ALK: variants seen among roughly 807,000 people sequenced by gnomAD.
ALK encodes the protein ALK tyrosine kinase receptor.
In ALK, 74 loss-of-function variants were observed where a neutral mutation model predicts 163.1. The observed-to-expected ratio is 0.45, with a 90% CI of 0.38 to 0.55. ALK has a LOEUF of 0.55. Ranked by LOEUF, ALK falls within the 20% of genes least tolerant of loss-of-function variation. The pLI is 0.00. For synonymous variants in ALK, 960 were observed against 843.2 expected, an observed-to-expected ratio of 1.14 and a Z score of -2.40; for missense variants, 2,063 against 2,105.3, an observed-to-expected ratio of 0.98 and a Z score of 0.39.
chr2:29,499,522 G>C (rs1297701137), intron 4 of ALK, among the ~76,000 whole-genome samples: 1 of 152,072 alleles, frequency 6.6e-6, no homozygotes, highest in Non-Finnish European at 1.5e-5. Flanking sequence ...TTCAGGTTGA[G>C]GGCTGACTAG....
At chr2:29,586,811 C>A (rs1233785281) in intron 3 of ALK, among the ~76,000 whole-genome samples, 1 of 152,186 alleles carries the variant, frequency 6.6e-6, no homozygotes, top group African/African-American at 2.4e-5. Context: ...ATAGATATAT[C>A]CCTTTTCTTT....
In ALK at chr2:29,220,768, G is replaced by C. The variant is rs2148166521; in HGVS notation, c.3583C>G (p.Leu1195Val). ...TCTCCCCCCGCCATGAGCTCCAGCA[G>C]GATGAACCGGGGCAGGGATTGCAGG... ...VSLQSLPRFI[L>V]LELMAGGDLK... Residue 1195 changes from leucine to valine, a missense_variant, in exon 23 of 29, where the codon CTG becomes GTG. Physicochemically the swap from Leu to Val is conservative, Grantham distance 32. This residue lies in a region of ALK where 575 missense variants were observed against 626.6 expected (regional missense o/e 0.92). Transcript: ENST00000389048. 1 of 1,614,062 alleles carries C rather than the reference G, an allele frequency of 6.2e-7. No individual in the cohort carries two copies. The highest frequency in any genetic ancestry group is 8.5e-7 in the Non-Finnish European group (1 of 1,179,930).
intron 4 of ALK, among the ~76,000 whole-genome samples, chr2:29,531,151 CT>C (rs1673108481): frequency 1.3e-5 from 2 of 152,180 alleles, no homozygotes; most frequent in African/African-American, 4.8e-5. Flanking sequence ...GACAGTTGGG[CT>C]TTTTCTCCTG....
intron 1 of ALK, among the ~76,000 whole-genome samples, chr2:29,913,102 C>T (rs938904095): frequency 2.0e-5 from 3 of 151,942 alleles, no homozygotes; most frequent in Non-Finnish European, 4.4e-5. Flanking sequence ...CCACTGCATG[C>T]ACCTGTTGTT....
intron 1 of ALK, among the ~76,000 whole-genome samples, chr2:29,798,693 G>A (rs1290348514): frequency 6.6e-6 from 1 of 152,236 alleles, no homozygotes; most frequent in Non-Finnish European, 1.5e-5. Flanking sequence ...CCAAAGGTAG[G>A]ATGATAATAA....
chr2:29,662,076 A>C (rs12615206), intron 3 of ALK, among the ~76,000 whole-genome samples: 4 of 151,748 alleles, frequency 2.6e-5, no homozygotes, highest in Non-Finnish European at 5.9e-5. Context: ...TGCCTGGCTA[A>C]TTTGTTTGTA....
chr2:29,876,912 T>C (rs1462075085), intron 1 of ALK, among the ~76,000 whole-genome samples: 15 of 152,218 alleles, frequency 9.9e-5, no homozygotes, highest in Admixed American at 9.8e-4. Flanking sequence ...TCTCAGGCCC[T>C]GTCCCACCAG....
At chr2:29,654,797 T>C (rs1019020762) in intron 3 of ALK, among the ~76,000 whole-genome samples, 2 of 152,092 alleles carry the variant, frequency 1.3e-5, no homozygotes, top group African/African-American at 4.8e-5. Context: ...ATAATGAAAA[T>C]TGATTACAGC....
At chr2:29,345,452 AAAT>A (rs1667921201) in intron 5 of ALK, among the ~76,000 whole-genome samples, 1 of 147,714 alleles carries the variant, frequency 6.8e-6, no homozygotes, top group Non-Finnish European at 1.5e-5. Context: ...ATAAATAAAT[AAAT>A]AAAAATAATA....
intron 1 of ALK, among the ~76,000 whole-genome samples, chr2:29,750,645 AAGG>A (rs1680332423): frequency 1.3e-5 from 1 of 75,186 alleles, no homozygotes; most frequent in Admixed American, 1.1e-4. Flanking sequence ...GGAAGGAAGG[AAGG>A]AAGGAAGGAA....
intron 6 of ALK, among the ~76,000 whole-genome samples, chr2:29,326,450 C>T (rs375991402): frequency 6.6e-5 from 10 of 152,152 alleles, no homozygotes; most frequent in South Asian, 2.1e-4. Flanking sequence ...AAAAGGCAAT[C>T]GCGAAATCAC....
intron 9 of ALK, among the ~76,000 whole-genome samples, chr2:29,296,023 G>C (rs1666166413): frequency 6.6e-6 from 1 of 152,184 alleles, no homozygotes; most frequent in Non-Finnish European, 1.5e-5. Flanking sequence ...TTCAAGTACG[G>C]CTTGCTCCAG....
intron 4 of ALK, among the ~76,000 whole-genome samples, chr2:29,389,898 A>G (rs55641489): frequency 6.6e-6 from 1 of 152,090 alleles, no homozygotes; most frequent in African/African-American, 2.4e-5. Flanking sequence ...TGTAATTGAG[A>G]CCTGGAGGAT....
Position 29,391,826 on chromosome 2 carries a change from C to T in ALK, c.1155-7967G>A, listed in dbSNP as rs374193370. ...TCTCATCACTTGAGTTCCACACCTA[C>T]TGAGAGTTTTATAGTCTCACTTCTG... On this transcript the variant is annotated intron_variant, in intron 4 of 28. Transcript: ENST00000389048. 1.3e-4 allele frequency among the ~76,000 whole-genome samples: 20 copies of T among 152,126 alleles called. 1 individual carries two copies. Among genetic ancestry groups the T allele is most frequent in the African/African-American group, 3.4e-4 (14 of 41,428 alleles).
intron 1 of ALK, among the ~76,000 whole-genome samples, chr2:29,913,819 GT>G: frequency 6.6e-6 from 1 of 152,260 alleles, no homozygotes; most frequent in Non-Finnish European, 1.5e-5. Flanking sequence ...CCATTAACCA[GT>G]TGGTAATTTA....
chr2:29,524,538 A>G (rs1672902203), intron 4 of ALK, among the ~76,000 whole-genome samples: 1 of 152,270 alleles, frequency 6.6e-6, no homozygotes, highest in East Asian at 1.9e-4. Flanking sequence ...AAGGAGGTGA[A>G]TAATATGAAT....
At chr2:29,728,241 G>A (rs560950326) in intron 1 of ALK, among the ~76,000 whole-genome samples, 1 of 152,322 alleles carries the variant, frequency 6.6e-6, no homozygotes, top group South Asian at 2.1e-4. Context: ...TTTCTGAGTG[G>A]GGATTATTAT....
intron 25 of ALK, among the ~76,000 whole-genome samples, chr2:29,208,476 G>A (rs904185466): frequency 6.6e-6 from 1 of 151,130 alleles, no homozygotes; most frequent in African/African-American, 2.5e-5. Flanking sequence ...GTATTCTGAG[G>A]AGGGAGAGGA....
At chr2:29,271,633 A>C (rs903526624) in intron 11 of ALK, among the ~76,000 whole-genome samples, 1 of 152,198 alleles carries the variant, frequency 6.6e-6, no homozygotes, top group African/African-American at 2.4e-5. Context: ...TCATCTGCAG[A>C]CTTGCCCCGA....
Sources: gnomAD v4.1 joint callset for allele counts (sites outside exome capture counted in the v4.1 genomes callset) on GRCh38, gnomAD v4.1.1 for gene constraint, gnomAD v4.1.1 regional missense constraint, MANE v1.5 for transcripts, NCBI Gene and HGNC (gene_info 2026-07-23, HGNC 2026-07-21) for gene names.